LTBP1: variants seen among roughly 807,000 people sequenced by gnomAD.
The protein encoded by LTBP1 is latent-transforming growth factor beta-binding protein 1.
Under a neutral mutation model 207.6 loss-of-function variants are expected in LTBP1, and 129 were observed. That is an observed-to-expected ratio of 0.62 (90% CI 0.54 to 0.72). LTBP1 has a LOEUF of 0.72. Among genes scored for constraint, LTBP1 ranks in the 30% least tolerant of loss-of-function variants. The pLI is 0.00. For synonymous variants in LTBP1, 963 were observed against 833.7 expected (o/e 1.16, Z -2.67); for missense variants, 2,281 against 2,217.2 (o/e 1.03, Z -0.58).
At chr2:33,057,899 C>T (rs547519505) in intron 3 of LTBP1, among the ~76,000 whole-genome samples, 1 of 152,374 alleles carries the variant, frequency 6.6e-6, no homozygotes, top group Non-Finnish European at 1.5e-5. Flanking sequence ...GGCTGAAGGG[C>T]TCCTCAAGCA....
intron 7 of LTBP1, among the ~76,000 whole-genome samples, chr2:33,203,635 T>A (rs2089566643): frequency 6.6e-6 from 1 of 152,198 alleles, no homozygotes; most frequent in African/African-American, 2.4e-5. Context: ...AGATTTTTTT[T>A]CATTTTATTG....
chr2:33,275,992 T>C, intron 18 of LTBP1, 69 bp downstream of exon 18: 1 of 1,495,970 alleles, frequency 6.7e-7, no homozygotes, highest in Non-Finnish European at 8.9e-7. Flanking sequence ...CTTGCCTGGT[T>C]CTTGTTTCCT....
chr2:33,240,803 AC>A (rs2149727738), intron 9 of LTBP1, among the ~76,000 whole-genome samples: 1 of 152,014 alleles, frequency 6.6e-6, no homozygotes, highest in East Asian at 1.9e-4. Context: ...GGCACCTGCC[AC>A]CACGCCTGGC....
intron 5 of LTBP1, among the ~76,000 whole-genome samples, chr2:33,165,631 A>G (rs1477280063): frequency 1.3e-5 from 2 of 152,212 alleles, no homozygotes; most frequent in African/African-American, 2.4e-5. Flanking sequence ...CTTCTGATAC[A>G]CTAGACTTTA....
intron 7 of LTBP1, among the ~76,000 whole-genome samples, chr2:33,208,668 C>A (rs2090061180): frequency 6.6e-6 from 1 of 151,662 alleles, no homozygotes; most frequent in Non-Finnish European, 1.5e-5. Context: ...TCCTTGGCTG[C>A]CCTCAGCCCT....
At chr2:33,246,811 GC>G (rs1182858164) in intron 10 of LTBP1, among the ~76,000 whole-genome samples, 1 of 152,166 alleles carries the variant, frequency 6.6e-6, no homozygotes, top group Non-Finnish European at 1.5e-5. Context: ...GCTTGCCTTG[GC>G]TTAGCCAAGC....
rs118068111 is a variant in LTBP1 at position 33,388,164 on chromosome 2, C to T, written c.4712-1020C>T. Among the ~76,000 whole-genome samples the T allele has an allele frequency of 1.1e-3, 174 of 152,240 alleles. 1 individual carries two copies. The East Asian group carries it at 0.013, about 12-fold the overall frequency. On this transcript the variant is annotated intron_variant, in intron 31 of 33. Transcript: ENST00000404816. Reference sequence around the variant, plus strand: ...AAAAGCATTGAAACCTCAGTAACCCCGGGACAAATGGAGAACCAAAATCCT... The same window carrying T: ...AAAAGCATTGAAACCTCAGTAACCCTGGGACAAATGGAGAACCAAAATCCT...
At chr2:33,165,057 A>G (rs1307737425) in intron 5 of LTBP1, among the ~76,000 whole-genome samples, 1 of 152,216 alleles carries the variant, frequency 6.6e-6, no homozygotes, top group Non-Finnish European at 1.5e-5. Flanking sequence ...GTATACATCC[A>G]GGATAGGGAG....
intron 5 of LTBP1, among the ~76,000 whole-genome samples, chr2:33,173,685 A>T (rs373681529): frequency 6.6e-6 from 1 of 151,088 alleles, no homozygotes; most frequent in Admixed American, 6.6e-5. Context: ...TACCAAAGCC[A>T]GGCAGAGACA....
At chr2:33,277,797 CT>C (rs2093469955) in intron 18 of LTBP1, among the ~76,000 whole-genome samples, 1 of 80,416 alleles carries the variant, frequency 1.2e-5, no homozygotes, top group Admixed American at 1.3e-4. Context: ...TTCTTTCTTT[CT>C]CTCTCTCTTT....
intron 19 of LTBP1, among the ~76,000 whole-genome samples, chr2:33,282,936 G>A (rs922094886): frequency 6.6e-6 from 1 of 151,802 alleles, no homozygotes; most frequent in South Asian, 2.1e-4. Flanking sequence ...GGTGGCACGC[G>A]CCTATAATCC....
intron 2 of LTBP1, among the ~76,000 whole-genome samples, chr2:32,976,998 T>C (rs537562749): frequency 6.6e-6 from 1 of 152,316 alleles, no homozygotes; most frequent in Admixed American, 6.5e-5. Context: ...AGCTCTAGCA[T>C]GCCTGGCCCC....
chr2:33,313,469 C>T (rs2094216087), intron 23 of LTBP1, among the ~76,000 whole-genome samples: 1 of 152,114 alleles, frequency 6.6e-6, no homozygotes, highest in African/African-American at 2.4e-5. Flanking sequence ...AGTGGCTAAG[C>T]GTGTTGTAGC....
chr2:33,175,044 C>G (rs2085883384), intron 5 of LTBP1, among the ~76,000 whole-genome samples: 2 of 152,092 alleles, frequency 1.3e-5, no homozygotes, highest in Admixed American at 6.6e-5. Context: ...GACCTAAAAC[C>G]ATAGAAACCC....
chr2:32,964,303 A>G (rs17012409), intron 2 of LTBP1, among the ~76,000 whole-genome samples: 10,060 of 152,282 alleles, frequency 0.066, 596 homozygotes, highest in East Asian at 0.24. Context: ...AAGGAGCTGA[A>G]AAAGGAGCTG....
intron 5 of LTBP1, among the ~76,000 whole-genome samples, chr2:33,173,161 G>C (rs942150254): frequency 1.3e-5 from 2 of 152,114 alleles, no homozygotes; most frequent in African/African-American, 4.8e-5. Flanking sequence ...AATCAGAGCA[G>C]AAGTGAAGGA....
At chr2:33,247,357 C>G (rs953341282) in intron 10 of LTBP1, among the ~76,000 whole-genome samples, 3 of 152,228 alleles carry the variant, frequency 2.0e-5, no homozygotes, top group African/African-American at 7.2e-5. Context: ...GTTTAAGTAG[C>G]TTCTCACACA....
At chr2:32,971,786 A>G (rs560684248) in intron 2 of LTBP1, among the ~76,000 whole-genome samples, 4 of 152,150 alleles carry the variant, frequency 2.6e-5, no homozygotes, top group South Asian at 4.2e-4. Context: ...GTCTCTGCCA[A>G]GTTTTGGGAT....
intron 19 of LTBP1, among the ~76,000 whole-genome samples, chr2:33,281,494 G>A (rs555462176): frequency 2.6e-5 from 4 of 152,312 alleles, no homozygotes; most frequent in South Asian, 2.1e-4. Context: ...AAAATTTAAA[G>A]CCCTCTTAGT....
Sources: gnomAD v4.1 joint callset for allele counts (sites outside exome capture counted in the v4.1 genomes callset) on GRCh38, gnomAD v4.1.1 for gene constraint, MANE v1.5 for transcripts, NCBI Gene and HGNC (gene_info 2026-07-23, HGNC 2026-07-21) for gene names.